Variants in USP25 observed in about 807,000 individuals in gnomAD.
USP25 encodes ubiquitin carboxyl-terminal hydrolase 25.
USP25 carries 85 observed loss-of-function variants against 158.5 expected under a neutral mutation model. The observed-to-expected ratio is 0.54, with a 90% CI of 0.45 to 0.64. USP25 has a LOEUF of 0.64. Among genes scored for constraint, USP25 ranks in the 30% least tolerant of loss-of-function variants. USP25 has a pLI of 0.00. For missense variants in USP25, 1,242 were observed against 1,327.3 expected (o/e 0.94, Z 1.00); for synonymous variants, 464 against 460.4 (o/e 1.01, Z -0.10).
intron 4 of USP25, among the ~76,000 whole-genome samples, chr21:15,788,705 T>A (rs988575944): frequency 6.6e-6 from 1 of 152,092 alleles, no homozygotes; most frequent in African/African-American, 2.4e-5. Flanking sequence ...TTCACCTACA[T>A]GCTTTTTTTT....
At chr21:15,760,756 CT>C (rs1274228992) in intron 1 of USP25, among the ~76,000 whole-genome samples, 1 of 152,160 alleles carries the variant, frequency 6.6e-6, no homozygotes, top group Non-Finnish European at 1.5e-5. Context: ...ACTTCCATAA[CT>C]TTTTTTCTCC....
At chr21:15,870,215 C>G (rs2039828196) in intron 23 of USP25, 68 bp downstream of exon 23, 2 of 1,035,102 alleles carry the variant, frequency 1.9e-6, no homozygotes, top group Admixed American at 5.0e-5. Flanking sequence ...GGTGTGACCT[C>G]ATCCATGGAA....
chr21:15,774,501 C>G (rs2034530061), intron 3 of USP25, among the ~76,000 whole-genome samples: 1 of 151,200 alleles, frequency 6.6e-6, no homozygotes, highest in Admixed American at 6.6e-5. Flanking sequence ...TTTTTTTTTC[C>G]AGACAACATC....
intron 1 of USP25, among the ~76,000 whole-genome samples, chr21:15,750,891 T>A (rs2123311783): frequency 6.6e-6 from 1 of 152,302 alleles, no homozygotes; most frequent in Admixed American, 6.5e-5. Flanking sequence ...GTGCTTGGAT[T>A]ACAGGCATGA....
chr21:15,772,884 T>G (rs1219600854), intron 3 of USP25, among the ~76,000 whole-genome samples: 1 of 152,200 alleles, frequency 6.6e-6, no homozygotes, highest in Non-Finnish European at 1.5e-5. Flanking sequence ...GTGGACCGTA[T>G]GTGAGGGATC....
chr21:15,771,430 T>TA (rs2034344546), intron 3 of USP25, among the ~76,000 whole-genome samples: 1 of 152,124 alleles, frequency 6.6e-6, no homozygotes, highest in Non-Finnish European at 1.5e-5. Flanking sequence ...TTTGTACAGA[T>TA]ACCTGAGCGA....
intron 20 of USP25, among the ~76,000 whole-genome samples, chr21:15,856,079 A>AT (rs1227922470): frequency 1.3e-5 from 2 of 152,176 alleles, no homozygotes; most frequent in Non-Finnish European, 2.9e-5. Flanking sequence ...GCCTGTTTAT[A>AT]TGCAGGGCAT....
chr21:15,849,285 T>C (rs1413914579), intron 19 of USP25, among the ~76,000 whole-genome samples: 1 of 152,152 alleles, frequency 6.6e-6, no homozygotes, highest in Non-Finnish European at 1.5e-5. Flanking sequence ...TGCATGTGCA[T>C]TGGAACTTTT....
chr21:15,827,088 G>A lies in USP25; in HGVS notation c.1578G>A (p.Arg526=), dbSNP rs138646186. 6.2e-7 allele frequency: 1 copy of A among 1,614,018 alleles called. No homozygotes were observed. Among genetic ancestry groups the A allele is most frequent in the African/African-American group, 1.3e-5 (1 of 74,916 alleles). ...SVIHKPFTQS[R]IPPDLPMHPA... ...TACACAAACCATTTACTCAGTCCCG[G>A]ATACCTCCAGATTTGCCCATGCATC... Residue 526 remains arginine, a synonymous_variant, in exon 14 of 26, where the codon CGG becomes CGA. Coordinates refer to ENST00000400183, the MANE Select transcript of USP25 (RefSeq NM_001283041.3).
At chr21:15,775,054 G>A (rs1196236692) in intron 3 of USP25, among the ~76,000 whole-genome samples, 1 of 152,116 alleles carries the variant, frequency 6.6e-6, no homozygotes. Flanking sequence ...AAAGACCACT[G>A]GATTTAAGAG....
At chr21:15,793,500 T>TA (rs1293620770) in intron 5 of USP25, among the ~76,000 whole-genome samples, 1 of 143,518 alleles carries the variant, frequency 7.0e-6, no homozygotes, top group African/African-American at 3.0e-5. Flanking sequence ...AAATTATCTT[T>TA]TAAAAAAATG....
At chr21:15,868,851 T>G (rs2039766487) in intron 22 of USP25, among the ~76,000 whole-genome samples, 1 of 152,206 alleles carries the variant, frequency 6.6e-6, no homozygotes, top group Non-Finnish European at 1.5e-5. Flanking sequence ...AATGACAGTT[T>G]GAATACCTTC....
rs907980744 is a variant in USP25 at position 15,875,926 on chromosome 21, A to T, written c.3009+1400A>T. ...GCATTCTAGAGGATGAACAGGAAAG[A>T]AGTAGATTGAAGTCAAGAACCTTAG... On this transcript the variant is annotated intron_variant, in intron 24 of 25. Transcript: ENST00000400183. The surrounding 1 kb of genome is among the most constrained non-coding windows in gnomAD (Gnocchi z 4.7). 5 of 152,260 alleles carry T rather than the reference A, an allele frequency of 3.3e-5. No homozygotes were observed. The highest frequency in any genetic ancestry group is 4.8e-5 in the African/African-American group (2 of 41,460). The allele number at this position is 152,260 out of a possible 1,614,324, so 9.4% of individuals were successfully genotyped here.
At position 15,830,452 on chromosome 21, in the gene USP25, G is replaced by A. The variant is rs999235602; in HGVS notation, c.1694-79G>A. ...ATTTTCCTATTCCTCTAACATGTTT[G>A]TAGGAAAAACATTAGTCCTTATCTT... On this transcript the variant is annotated intron_variant, in intron 14 of 25. Coordinates refer to ENST00000400183, the MANE Select transcript of USP25 (RefSeq NM_001283041.3). 7 of 1,240,726 alleles carry A rather than the reference G, an allele frequency of 5.6e-6. No individual in the cohort carries two copies. In the African/African-American group the frequency reaches 7.8e-5, roughly 14 times the overall value. The allele number at this position is 1,240,726 out of a possible 1,614,324, so 76.9% of individuals were successfully genotyped here.
chr21:15,738,658 G>A (rs371907555), intron 1 of USP25, among the ~76,000 whole-genome samples: 12 of 152,198 alleles, frequency 7.9e-5, no homozygotes, highest in Middle Eastern at 3.4e-3. Context: ...TACTTTCTGT[G>A]TAAAAGATCA....
At chr21:15,775,434 TGACCAGTCAGGGAAGC>T (rs1000304709) in intron 3 of USP25, among the ~76,000 whole-genome samples, 16 of 152,168 alleles carry the variant, frequency 1.1e-4, no homozygotes, top group African/African-American at 2.2e-4. Context: ...ATTGCAGGAC[TGACCAGTCAGGGAAGC>T]GACCAGTCAG....
At chr21:15,735,113 C>T (rs926002572) in intron 1 of USP25, among the ~76,000 whole-genome samples, 6 of 152,278 alleles carry the variant, frequency 3.9e-5, no homozygotes, top group African/African-American at 1.2e-4. Context: ...AATGTTGTAT[C>T]GTTTTGGCTG....
At chr21:15,849,659 T>C (rs569557818) in intron 19 of USP25, 118 bp from the exon 20 acceptor site, 8 of 733,988 alleles carry the variant, frequency 1.1e-5, no homozygotes, top group Non-Finnish European at 1.5e-5. Flanking sequence ...TTAAATTTGG[T>C]ATTAAAAGTG....
intron 18 of USP25, among the ~76,000 whole-genome samples, chr21:15,845,347 G>C (rs1316274241): frequency 1.3e-5 from 2 of 151,964 alleles, no homozygotes; most frequent in Non-Finnish European, 2.9e-5. Flanking sequence ...ATTCATATAA[G>C]ACCTGAAAAC....
Sources: allele counts gnomAD v4.1 joint callset (sites outside exome capture counted in the v4.1 genomes callset), GRCh38; gene constraint gnomAD v4.1.1; non-coding constraint Gnocchi (gnomAD v3.1); transcripts MANE v1.5; gene names NCBI Gene and HGNC (gene_info 2026-07-23, HGNC 2026-07-21).